Variants in MIA2 observed in about 807,000 individuals in gnomAD.
The protein encoded by MIA2 is MIA SH3 domain ER export factor 2, also known as melanoma inhibitory activity protein 2.
MIA2 carries 127 observed loss-of-function variants against 167.8 expected under a neutral mutation model. The observed-to-expected ratio is 0.76, with a 90% CI of 0.66 to 0.88. The LOEUF is 0.88. MIA2 is among the 40% of genes least tolerant of loss of function. The probability of loss-of-function intolerance (pLI) is 0.00; values close to 1 mark genes in which losing one functional copy is unlikely to be tolerated. For missense variants in MIA2, 1,690 were observed against 1,624.7 expected, an observed-to-expected ratio of 1.04 and a Z score of -0.69; for synonymous variants, 552 against 541.9, an observed-to-expected ratio of 1.02 and a Z score of -0.26.
At chr14:39,322,268 C>T (rs545926448) in intron 24 of MIA2, among the ~76,000 whole-genome samples, 5 of 152,092 alleles carry the variant, frequency 3.3e-5, no homozygotes, top group Admixed American at 2.6e-4. Context: ...GGGGGCTGGG[C>T]GTGGTGGCTC....
At chr14:39,267,003 A>G (rs1024536857) in intron 6 of MIA2, 10 of 900,206 alleles carry the variant, frequency 1.1e-5, no homozygotes, top group Middle Eastern at 1.1e-3. Flanking sequence ...CTCTAGTCCC[A>G]AGCCTCTCCA....
chr14:39,385,503 G>A lies in MIA2; in HGVS notation c.2249-1382G>A, dbSNP rs114171911. ...TGATCTTGCTCTCCTGTGTCACAGC[G>A]TAGTCCACTATCTCTGTTCCATTTT... On this transcript the variant is annotated intron_variant, in intron 23 of 23. Coordinates refer to the MIA2 transcript ENST00000341502. 721 of 864,210 alleles carry A rather than the reference G, an allele frequency of 8.3e-4. 2 individuals are homozygous for A. The African/African-American group carries it at 0.01, about 12-fold the overall frequency. 53.5% of individuals were successfully genotyped at this position (864,210 alleles called of 1,614,324 possible).
chr14:39,358,345 C>A (rs145077504), intron 23 of MIA2, among the ~76,000 whole-genome samples: 2 of 152,162 alleles, frequency 1.3e-5, no homozygotes, highest in African/African-American at 4.8e-5. Flanking sequence ...TTGATCAAAT[C>A]GGCTACTGAA....
At chr14:39,301,017 T>TAC (rs1173636900) in intron 14 of MIA2, among the ~76,000 whole-genome samples, 14 of 144,022 alleles carry the variant, frequency 9.7e-5, no homozygotes, top group Non-Finnish European at 1.9e-4. Flanking sequence ...TACACATATA[T>TAC]ACACACATAT....
chr14:39,295,045 G>T lies in MIA2; in HGVS notation c.2496+16G>T, dbSNP rs764241395. On this transcript the variant is annotated intron_variant, in intron 13 of 28. Coordinates refer to ENST00000640607, the MANE Select transcript of MIA2 (RefSeq NM_001329214.4). The stretch of plus-strand genomic sequence containing the variant: ...CCAGAAACAGGTTTGTGCTCCGTAG[G>T]GACTCTTCAACTTGTGAATATGTAA... 68 of 1,513,458 alleles carry T rather than the reference G, an allele frequency of 4.5e-5. 1 individual carries two copies. The Middle Eastern group carries it at 6.8e-4, about 15-fold the overall frequency. The allele number at this position is 1,513,458 out of a possible 1,614,324, so 93.8% of individuals were successfully genotyped here. A position where few individuals can be genotyped will look rare whatever the true frequency, so the allele number is the denominator to read the frequency against.
At chr14:39,383,325 G>A (rs937737238) in intron 23 of MIA2, among the ~76,000 whole-genome samples, 1 of 152,032 alleles carries the variant, frequency 6.6e-6, no homozygotes, top group Admixed American at 6.6e-5. Flanking sequence ...ATCTGTTATG[G>A]TTATCTATGA....
intron 6 of MIA2, among the ~76,000 whole-genome samples, chr14:39,270,894 T>A (rs1377705732): frequency 6.6e-6 from 1 of 152,222 alleles, no homozygotes; most frequent in African/African-American, 2.4e-5. Flanking sequence ...TTAGAAAGAT[T>A]TTCTCTCATT....
At position 39,265,404 on chromosome 14, in the gene MIA2, A is replaced by G. The variant is rs1305430538; in HGVS notation, c.1888-11530A>G. The G allele has an allele frequency of 1.2e-6, 2 of 1,611,120 alleles. 1 individual carries two copies. The highest frequency in any genetic ancestry group is 2.2e-5 in the South Asian group (2 of 90,746). On this transcript the variant is annotated intron_variant, in intron 6 of 28. Transcript: ENST00000640607. The stretch of plus-strand genomic sequence containing the variant: ...ATGAGCTTTTCAAGAAATGGAATTG[A>G]AAAGTCCAGAGGAAGAGGTGAGTTT...
intron 25 of MIA2, among the ~76,000 whole-genome samples, chr14:39,334,336 G>A (rs368339107): frequency 8.5e-5 from 13 of 152,090 alleles, no homozygotes; most frequent in Non-Finnish European, 1.3e-4. Flanking sequence ...TTAGCTGGGT[G>A]TGGTGGCAGG....
chr14:39,381,605 A>C (rs1712799307), intron 23 of MIA2, among the ~76,000 whole-genome samples: 1 of 151,852 alleles, frequency 6.6e-6, no homozygotes, highest in Non-Finnish European at 1.5e-5. Flanking sequence ...TTGGCTAGCA[A>C]AAGGTGGCCT....
intron 25 of MIA2, among the ~76,000 whole-genome samples, chr14:39,331,732 A>C (rs937138156): frequency 1.3e-5 from 2 of 152,168 alleles, no homozygotes; most frequent in South Asian, 2.1e-4. Flanking sequence ...GTTTGGCTGG[A>C]TATGAAATTC....
chr14:39,277,698 A>T (rs1461462965), intron 7 of MIA2, among the ~76,000 whole-genome samples: 65 of 6,860 alleles, frequency 9.5e-3, no homozygotes, highest in African/African-American at 0.052. Flanking sequence ...GTGTGTATAT[A>T]TATATATATA....
downstream of MIA2, among the ~76,000 whole-genome samples, chr14:39,352,164 G>T (rs1595927052): frequency 6.8e-6 from 1 of 146,108 alleles, no homozygotes; most frequent in African/African-American, 2.5e-5. Context: ...ATTATATCCA[G>T]ATTTAAAAAA....
At chr14:39,292,339 TA>T (rs1169881750) in intron 10 of MIA2, among the ~76,000 whole-genome samples, 1 of 152,192 alleles carries the variant, frequency 6.6e-6, no homozygotes, top group African/African-American at 2.4e-5. Flanking sequence ...ATTATAGGAG[TA>T]AAATTAGCTG....
intron 25 of MIA2, among the ~76,000 whole-genome samples, chr14:39,337,798 A>G (rs976423972): frequency 1.3e-5 from 2 of 151,938 alleles, no homozygotes; most frequent in Middle Eastern, 3.4e-3. Context: ...GCTCACTGCA[A>G]CCTCTGCCTC....
chr14:39,323,622 T>G (rs1297861326), intron 24 of MIA2, among the ~76,000 whole-genome samples: 1 of 152,230 alleles, frequency 6.6e-6, no homozygotes, highest in Non-Finnish European at 1.5e-5. Flanking sequence ...TTCATTAATT[T>G]AATCTTAATT....
intron 3 of MIA2, among the ~76,000 whole-genome samples, chr14:39,244,469 T>A (rs1315530316): frequency 6.6e-6 from 1 of 152,170 alleles, no homozygotes; most frequent in African/African-American, 2.4e-5. Context: ...GATGGCAGGG[T>A]TGGGCATTGA....
At chr14:39,266,466 G>C (rs568341803) in intron 6 of MIA2, 2 of 985,320 alleles carry the variant, frequency 2.0e-6, no homozygotes, top group Non-Finnish European at 2.4e-6. Flanking sequence ...TTTAGCATTT[G>C]GGTAACTGGC....
chr14:39,243,938 A>G (rs1393771916), intron 3 of MIA2, among the ~76,000 whole-genome samples: 1 of 152,238 alleles, frequency 6.6e-6, no homozygotes, highest in East Asian at 1.9e-4. Flanking sequence ...CTTAGCTTCA[A>G]TAAAGTATGG....
Sources: gnomAD v4.1 joint callset for allele counts (sites outside exome capture counted in the v4.1 genomes callset) on GRCh38, gnomAD v4.1.1 for gene constraint, MANE v1.5 for transcripts, NCBI Gene and HGNC (gene_info 2026-07-23, HGNC 2026-07-21) for gene names.